SETD2: variants seen among roughly 807,000 people sequenced by gnomAD.
The protein encoded by SETD2 is histone-lysine N-methyltransferase SETD2.
SETD2 carries 31 observed loss-of-function variants against 242.1 expected under a neutral mutation model. The observed-to-expected ratio is 0.13, with a 90% CI of 0.10 to 0.17. SETD2 has a LOEUF of 0.17. SETD2 is among the 10% of genes least tolerant of loss of function. SETD2 has a pLI of 1.00. For synonymous variants in SETD2, 1,006 were observed against 1,066.5 expected (o/e 0.94, Z 1.11); for missense variants, 2,481 against 3,046.3 (o/e 0.81, Z 4.37).
At chr3:47,147,765 C>CA (rs774520468) in intron 1 of SETD2, among the ~76,000 whole-genome samples, 44 of 150,262 alleles carry the variant, frequency 2.9e-4, no homozygotes, top group Non-Finnish European at 4.9e-4. Context: ...ACTAAAAATA[C>CA]AAAAAAAATT....
Position 47,120,316 on chromosome 3 carries a change from T to A in SETD2, c.4320A>T (p.Pro1440=), listed in dbSNP as rs74485823. The A allele has an allele frequency of 1.5e-3, 2,387 of 1,613,926 alleles. 36 individuals carry two copies. In the African/African-American group the frequency reaches 0.03, roughly 20 times the overall value. Residue 1440 remains proline, a synonymous_variant, in exon 3 of 21, where the codon CCA becomes CCT. Coordinates refer to ENST00000409792, the MANE Select transcript of SETD2 (RefSeq NM_014159.7). ...AGGAGGGCCCAACCAGTGCTGAACCTGGGGGCACTGATGTCTCTCCCTGCT... is the reference window on the plus strand; with the variant it reads ...AGGAGGGCCCAACCAGTGCTGAACCAGGGGGCACTGATGTCTCTCCCTGCT... ...EVEQGETSVP[P]GSALVGPSCV...
At chr3:47,027,336 C>CAAAAAAAAAAAAA (rs145911577) in intron 18 of SETD2, among the ~76,000 whole-genome samples, 4 of 103,734 alleles carry the variant, frequency 3.9e-5, no homozygotes, top group African/African-American at 5.3e-5. Context: ...GACTCCATCT[C>CAAAAAAAAAAAAA]AAAAAAAAAA....
At chr3:47,101,089 C>A (rs1475939300) in intron 8 of SETD2, among the ~76,000 whole-genome samples, 1 of 146,390 alleles carries the variant, frequency 6.8e-6, no homozygotes, top group Non-Finnish European at 1.5e-5. Flanking sequence ...ATGAAATAGA[C>A]TGGTTATGAG....
At position 47,114,625 on chromosome 3, in the gene SETD2, T is replaced by C. The variant is rs1480030708; in HGVS notation, c.4587-621A>G. Reference sequence around the variant, plus strand: ...TGAGTACGGTGATTCATGCCTGTAATCCCAGCACTTTGGGAGGCCAAGGCA... The same window carrying C: ...TGAGTACGGTGATTCATGCCTGTAACCCCAGCACTTTGGGAGGCCAAGGCA... On this transcript the variant is annotated intron_variant, in intron 4 of 20. Transcript: ENST00000409792. Among the ~76,000 whole-genome samples, 3 of 152,154 alleles carry C rather than the reference T, an allele frequency of 2.0e-5. No homozygotes were observed. The East Asian group carries it at 5.8e-4, about 29-fold the overall frequency.
chr3:47,058,705 A>G (rs1013638065), intron 14 of SETD2, among the ~76,000 whole-genome samples: 2 of 152,068 alleles, frequency 1.3e-5, no homozygotes, highest in African/African-American at 4.8e-5. Flanking sequence ...TTTTGACATT[A>G]TGGAGAAGAC....
chr3:47,137,647 T>TTAGAAGA (rs2043618873), intron 1 of SETD2, among the ~76,000 whole-genome samples: 1 of 152,144 alleles, frequency 6.6e-6, no homozygotes, highest in African/African-American at 2.4e-5. Flanking sequence ...AAAACACCAC[T>TTAGAAGA]TAGAAGATAT....
At chr3:47,105,110 T>C (rs1309009564) in intron 6 of SETD2, among the ~76,000 whole-genome samples, 2 of 152,060 alleles carry the variant, frequency 1.3e-5, no homozygotes, top group African/African-American at 4.8e-5. Flanking sequence ...ATAACCTATA[T>C]AAGCAAAAGC....
chr3:47,163,648 C>T (rs1697574311), intron 1 of SETD2: 1 of 303,198 alleles, frequency 3.3e-6, no homozygotes. Context: ...GCGGCGCCAA[C>T]GCCGGGCCCA....
At chr3:47,143,245 G>A (rs75156217) in intron 1 of SETD2, among the ~76,000 whole-genome samples, 4,641 of 152,150 alleles carry the variant, frequency 0.031, 231 homozygotes, top group East Asian at 0.13. Context: ...AGTGAGCTAC[G>A]ATCTCACCAC....
intron 12 of SETD2, among the ~76,000 whole-genome samples, chr3:47,069,776 A>G (rs530285493): frequency 4.4e-4 from 67 of 152,322 alleles, no homozygotes; most frequent in Middle Eastern, 3.4e-3. Flanking sequence ...ATCAGGAATA[A>G]AGACAGGAAG....
At chr3:47,136,382 T>C (rs1357128459) in intron 1 of SETD2, among the ~76,000 whole-genome samples, 1 of 152,144 alleles carries the variant, frequency 6.6e-6, no homozygotes, top group East Asian at 1.9e-4. Context: ...GCTTGTTCCT[T>C]CTTGGAATAC....
chr3:47,095,802 GA>G lies in SETD2; in HGVS notation c.5142+2152del, dbSNP rs200092445. On this transcript the variant is annotated intron_variant, in intron 9 of 20. Coordinates refer to ENST00000409792, the MANE Select transcript of SETD2 (RefSeq NM_014159.7). ...CAAATGACCATCATGCAGAAGTTGAGAAAAAAAAAGAAAAAAATTACAGCAA... is the reference window on the plus strand; with the variant it reads ...CAAATGACCATCATGCAGAAGTTGAGAAAAAAAAGAAAAAAATTACAGCAA... 1.4e-4 allele frequency among the ~76,000 whole-genome samples: 21 copies of G among 145,260 alleles called. No homozygotes were observed. In the East Asian group the frequency reaches 1.8e-3, roughly 12 times the overall value.
intron 12 of SETD2, among the ~76,000 whole-genome samples, chr3:47,067,828 T>TA (rs1248670248): frequency 2.0e-4 from 30 of 152,236 alleles, no homozygotes; most frequent in Non-Finnish European, 3.5e-4. Flanking sequence ...CAATTCCTAC[T>TA]ATTCAGTGTA....
intron 9 of SETD2, among the ~76,000 whole-genome samples, chr3:47,094,219 C>A (rs890408734): frequency 1.3e-5 from 2 of 152,208 alleles, no homozygotes; most frequent in South Asian, 4.1e-4. Flanking sequence ...AACATCAGGT[C>A]ATAGTAGGGA....
chr3:47,053,911 C>A (rs1479440710), intron 15 of SETD2, among the ~76,000 whole-genome samples: 1 of 152,172 alleles, frequency 6.6e-6, no homozygotes. Context: ...TTATTAATAT[C>A]CCTTATCTTA....
At chr3:47,026,558 T>C (rs1012336221) in intron 18 of SETD2, among the ~76,000 whole-genome samples, 8 of 152,274 alleles carry the variant, frequency 5.3e-5, no homozygotes, top group Admixed American at 5.2e-4. Flanking sequence ...CCAACCCAAA[T>C]GTCCATCAAC....
At chr3:47,069,144 A>G (rs1047692991) in intron 12 of SETD2, among the ~76,000 whole-genome samples, 10 of 152,280 alleles carry the variant, frequency 6.6e-5, no homozygotes, top group South Asian at 2.1e-4. Flanking sequence ...TGAGGTAAGT[A>G]CTATTACCTC....
intron 18 of SETD2, chr3:47,028,708 A>G (rs2038617957): frequency 6.6e-6 from 1 of 152,282 alleles, no homozygotes; most frequent in South Asian, 2.1e-4. Flanking sequence ...AAATGCTCAC[A>G]GTTATGAAAG....
intron 18 of SETD2, among the ~76,000 whole-genome samples, chr3:47,032,136 T>C (rs2038797858): frequency 1.3e-5 from 2 of 152,194 alleles, no homozygotes; most frequent in African/African-American, 2.4e-5. Flanking sequence ...AGCTTTGACC[T>C]TGTGGCTCCC....
Sources: allele counts gnomAD v4.1 joint callset (sites outside exome capture counted in the v4.1 genomes callset), GRCh38; gene constraint gnomAD v4.1.1; transcripts MANE v1.5; gene names NCBI Gene and HGNC (gene_info 2026-07-23, HGNC 2026-07-21).